Variants in TRIP12 observed in about 807,000 individuals in gnomAD.
TRIP12 encodes thyroid hormone receptor interactor 12.
A neutral mutation model predicts 244.2 loss-of-function variants in TRIP12; 25 were observed. The observed-to-expected ratio is 0.10, with a 90% confidence interval of 0.07 to 0.14. The LOEUF (loss-of-function observed/expected upper bound fraction) is 0.14, where lower values mean the gene tolerates loss of function less well. Ranked by LOEUF, TRIP12 falls within the 10% of genes least tolerant of loss-of-function variation. TRIP12 has a pLI of 1.00. For missense variants in TRIP12, 1,677 were observed against 2,486.4 expected (o/e 0.67, Z 6.92); for synonymous variants, 905 against 873.1 (o/e 1.04, Z -0.64).
chr2:229,801,240 TA>T (rs1487683232), intron 21 of TRIP12, among the ~76,000 whole-genome samples: 1 of 152,224 alleles, frequency 6.6e-6, no homozygotes, highest in Non-Finnish European at 1.5e-5. Flanking sequence ...GGGTGCCAGT[TA>T]AACTCAGCAG....
intron 13 of TRIP12, among the ~76,000 whole-genome samples, chr2:229,812,926 T>G (rs533417866): frequency 2.6e-5 from 4 of 152,346 alleles, no homozygotes; most frequent in African/African-American, 7.2e-5. Context: ...TCTAGAAATA[T>G]CTTTAGCAAT....
intron 34 of TRIP12, among the ~76,000 whole-genome samples, chr2:229,782,506 T>G (rs1315717219): frequency 6.6e-6 from 1 of 152,184 alleles, no homozygotes; most frequent in African/African-American, 2.4e-5. Flanking sequence ...TGCCACACTC[T>G]TTGGTACCTT....
intron 1 of TRIP12, among the ~76,000 whole-genome samples, chr2:229,898,520 C>A (rs1242371868): frequency 6.6e-6 from 1 of 152,102 alleles, no homozygotes; most frequent in African/African-American, 2.4e-5. Context: ...GAACTCCAGT[C>A]GCCTGACTCT....
At chr2:229,810,156 T>A (rs923274470) in intron 15 of TRIP12, among the ~76,000 whole-genome samples, 2 of 152,188 alleles carry the variant, frequency 1.3e-5, no homozygotes, top group African/African-American at 4.8e-5. Flanking sequence ...GGCCAGGACT[T>A]CAAGAACAGC....
intron 2 of TRIP12, among the ~76,000 whole-genome samples, chr2:229,868,918 G>T (rs564226600): frequency 6.6e-6 from 1 of 152,328 alleles, no homozygotes; most frequent in Non-Finnish European, 1.5e-5. Context: ...CCACTTGGAA[G>T]CACGTACTGC....
intron 2 of TRIP12, among the ~76,000 whole-genome samples, chr2:229,864,047 A>AGAGAGAGAGAGTGAGTGTGT: frequency 2.5e-4 from 20 of 79,304 alleles, no homozygotes; most frequent in Middle Eastern, 9.1e-3. Context: ...AGAGAGAGAG[A>AGAGAGAGAGAGTGAGTGTGT]GTGTGTGTGT....
chr2:229,895,306 G>A (rs1373877136), intron 1 of TRIP12, among the ~76,000 whole-genome samples: 1 of 151,120 alleles, frequency 6.6e-6, no homozygotes, highest in Non-Finnish European at 1.5e-5. Flanking sequence ...AATATATACA[G>A]AAAGAACAAA....
rs2048157409 is a variant in TRIP12 at position 229,815,035 on chromosome 2, T to C, written c.1731+64A>G. On this transcript the variant is annotated intron_variant, in intron 11 of 41. Coordinates refer to ENST00000675903, the MANE Select transcript of TRIP12 (RefSeq NM_001348323.3). The stretch of plus-strand genomic sequence containing the variant: ...TTATTTAGAAAATGAAAGCTAAAAT[T>C]CAAGAGTTTGAAACTTGACTCCCTA... 4.8e-6 allele frequency: 6 copies of C among 1,248,264 alleles called. No individual in the cohort carries two copies. In the South Asian group the frequency reaches 8.2e-5, roughly 17 times the overall value. The allele number at this position is 1,248,264 out of a possible 1,614,324, so 77.3% of individuals were successfully genotyped here. A position where few individuals can be genotyped will look rare whatever the true frequency, so the allele number is the denominator to read the frequency against.
At chr2:229,849,308 C>T (rs2058188244) in intron 4 of TRIP12, among the ~76,000 whole-genome samples, 1 of 152,106 alleles carries the variant, frequency 6.6e-6, no homozygotes, top group Admixed American at 6.5e-5. Flanking sequence ...GTTCACGATA[C>T]AATAAACCCT....
intron 1 of TRIP12, among the ~76,000 whole-genome samples, chr2:229,909,112 T>G (rs1264217836): frequency 2.1e-5 from 3 of 142,562 alleles, no homozygotes; most frequent in Non-Finnish European, 3.1e-5. Context: ...AAAAAAGAGA[T>G]TTTATGTTAG....
Position 229,778,846 on chromosome 2 carries a change from C to T in TRIP12, c.5209+30G>A. The T allele has an allele frequency of 3.1e-6, 5 of 1,599,174 alleles. No individual in the cohort carries two copies. Among genetic ancestry groups the T allele is most frequent in the East Asian group, 2.2e-5 (1 of 44,796 alleles). On this transcript the variant is annotated intron_variant, in intron 35 of 41. Transcript: ENST00000675903. The surrounding 1 kb of genome is among the most constrained non-coding windows in gnomAD (Gnocchi z 4.1). The stretch of plus-strand genomic sequence containing the variant: ...AGTCCATTACCTGATCTGAGTAACA[C>T]AAACCAACTAACTTACAGATAGGCA...
chr2:229,777,618 A>C, intron 36 of TRIP12, 139 bp from the exon 37 acceptor site: 1 of 826,350 alleles, frequency 1.2e-6, no homozygotes, highest in Admixed American at 2.6e-5. Flanking sequence ...GTTACAAACT[A>C]TTTCTCCCAC....
chr2:229,841,545 CAATT>C (rs2056426176), intron 4 of TRIP12, among the ~76,000 whole-genome samples: 1 of 152,124 alleles, frequency 6.6e-6, no homozygotes, highest in African/African-American at 2.4e-5. Flanking sequence ...AATGGTGTAT[CAATT>C]AAGTAAAGTT....
intron 1 of TRIP12, among the ~76,000 whole-genome samples, chr2:229,919,877 C>T (rs1436403718): frequency 1.3e-5 from 2 of 152,224 alleles, no homozygotes; most frequent in African/African-American, 2.4e-5. Context: ...AAGATAGTCA[C>T]AGCAGTTCAA....
chr2:229,909,185 A>G (rs1472284576), intron 1 of TRIP12, among the ~76,000 whole-genome samples: 2 of 151,796 alleles, frequency 1.3e-5, no homozygotes, highest in Non-Finnish European at 2.9e-5. Flanking sequence ...ACTACATTTT[A>G]TATATCTTTA....
intron 4 of TRIP12, among the ~76,000 whole-genome samples, chr2:229,846,851 A>G (rs1002831706): frequency 1.3e-5 from 2 of 152,240 alleles, no homozygotes; most frequent in African/African-American, 2.4e-5. Flanking sequence ...TGATTTGTCA[A>G]TATGAATTAC....
At chr2:229,922,969 G>A (rs761719778), upstream of TRIP12, among the ~76,000 whole-genome samples, 87 of 152,342 alleles carry the variant, frequency 5.7e-4, no homozygotes, top group Middle Eastern at 3.4e-3. Context: ...GGGAAAGAAC[G>A]ACTCAGCCAA....
intron 4 of TRIP12, among the ~76,000 whole-genome samples, chr2:229,845,034 T>C (rs1288041096): frequency 1.3e-5 from 2 of 152,192 alleles, no homozygotes; most frequent in African/African-American, 4.8e-5. Context: ...TACTGATTCA[T>C]TCAAGGACAG....
At chr2:229,915,106 A>C (rs2075120552) in intron 1 of TRIP12, among the ~76,000 whole-genome samples, 1 of 152,102 alleles carries the variant, frequency 6.6e-6, no homozygotes, top group South Asian at 2.1e-4. Flanking sequence ...ACAAAAAATT[A>C]GCTGGGTGTG....
Sources: gnomAD v4.1 joint callset for allele counts (sites outside exome capture counted in the v4.1 genomes callset) on GRCh38, gnomAD v4.1.1 for gene constraint, Gnocchi (gnomAD v3.1) non-coding constraint, MANE v1.5 for transcripts, NCBI Gene and HGNC (gene_info 2026-07-23, HGNC 2026-07-21) for gene names.